PARPBP: variants seen among roughly 807,000 people sequenced by gnomAD.
PARPBP encodes the protein PARP1 binding protein.
In PARPBP, 52 loss-of-function variants were observed where a neutral mutation model predicts 50.0. The ratio of observed to expected loss-of-function variants is 1.04; its 90% CI spans 0.83 to 1.31. The LOEUF is 1.31. Among genes scored for constraint, PARPBP ranks in the 50% most tolerant of loss-of-function variants. The pLI is 0.00. For missense variants in PARPBP, 697 were observed against 672.0 expected, an observed-to-expected ratio of 1.04 and a Z score of -0.41; for synonymous variants, 244 against 232.1, an observed-to-expected ratio of 1.05 and a Z score of -0.47.
intron 6 of PARPBP, among the ~76,000 whole-genome samples, chr12:102,174,007 T>C (rs1889011841): frequency 1.3e-5 from 2 of 151,250 alleles, no homozygotes; most frequent in Non-Finnish European, 2.9e-5. Flanking sequence ...TTTGTCTTAC[T>C]ATTAAAAACT....
At chr12:102,177,756 A>C (rs1889420495) in intron 7 of PARPBP, among the ~76,000 whole-genome samples, 1 of 152,114 alleles carries the variant, frequency 6.6e-6, no homozygotes. Context: ...GAAGCAAGAG[A>C]TTTTTCCTCT....
At chr12:102,140,685 C>G (rs1269164099) in intron 2 of PARPBP, among the ~76,000 whole-genome samples, 1 of 152,160 alleles carries the variant, frequency 6.6e-6, no homozygotes, top group Non-Finnish European at 1.5e-5. Context: ...TGTGTTGTGT[C>G]TTTGTTCTTA....
intron 2 of PARPBP, among the ~76,000 whole-genome samples, chr12:102,145,063 A>G (rs1427484113): frequency 6.6e-6 from 1 of 152,144 alleles, no homozygotes; most frequent in African/African-American, 2.4e-5. Context: ...TGCTTATTTT[A>G]AGGCAGTTTG....
chr12:102,134,068 C>G (rs559023869), intron 2 of PARPBP, among the ~76,000 whole-genome samples: 2 of 151,424 alleles, frequency 1.3e-5, no homozygotes, highest in African/African-American at 4.8e-5. Flanking sequence ...AAAGAACACA[C>G]TAAGCCCAAA....
intron 2 of PARPBP, among the ~76,000 whole-genome samples, chr12:102,136,609 C>A (rs951316431): frequency 6.6e-6 from 1 of 152,128 alleles, no homozygotes; most frequent in Non-Finnish European, 1.5e-5. Context: ...TCACTTAATT[C>A]AGTGTGAAAG....
chr12:102,126,875 TAGAC>T (rs1203723817), intron 2 of PARPBP, among the ~76,000 whole-genome samples: 1 of 152,228 alleles, frequency 6.6e-6, no homozygotes, highest in Non-Finnish European at 1.5e-5. Flanking sequence ...CAGGTAGTGA[TAGAC>T]AGAAAAGTTA....
rs1316430631 is a variant in PARPBP at position 102,148,258 on chromosome 12, G to A, written c.182G>A (p.Ser61Asn). 1 of 1,587,788 alleles carries A rather than the reference G, an allele frequency of 6.3e-7. No individual in the cohort carries two copies. Among genetic ancestry groups the A allele is most frequent in the East Asian group, 2.2e-5 (1 of 44,486 alleles). ...AGTGGAGAATTTACAGTCTCTCTCA[G>A]TGATGTTTTATTGACATGGAAATAC... ...QHSGEFTVSL[S>N]DVLLTWKYLL... The change falls in exon 3 of 11, where the codon AGT (serine) becomes AAT (asparagine). Residue 61 changes from serine (S) to asparagine (N), a missense_variant. By Grantham distance (46) the Ser-to-Asn change is conservative (BLOSUM62 1). Coordinates refer to ENST00000327680, the MANE Select transcript of PARPBP (RefSeq NM_017915.5).
intron 6 of PARPBP, 113 bp from the exon 7 acceptor site, chr12:102,175,370 G>C: frequency 1.6e-6 from 1 of 625,054 alleles, no homozygotes; most frequent in Non-Finnish European, 2.7e-6. Context: ...TGATATATAA[G>C]ATCAAAGCTA....
intron 3 of PARPBP, among the ~76,000 whole-genome samples, chr12:102,152,473 G>A (rs538661043): frequency 6.6e-6 from 1 of 152,242 alleles, no homozygotes. Flanking sequence ...TATAAATTTC[G>A]TGTATTGATG....
rs374523436 is a variant in PARPBP, at chr12:102,138,337, C to T, written c.154-9893C>T. ...AGTATCTGTTCATATCCTTTGTGCA[C>T]TTTTTGATGGGGTTGTTTGATTTGT... On this transcript the variant is annotated intron_variant, in intron 2 of 10. Transcript: ENST00000327680. Among the ~76,000 whole-genome samples the T allele has an allele frequency of 1.1e-4, 17 of 152,154 alleles. 1 individual carries two copies. The highest frequency in any genetic ancestry group is 2.0e-4 in the Admixed American group (3 of 15,280).
intron 4 of PARPBP, chr12:102,155,292 CA>C (rs1886722494): frequency 6.5e-6 from 1 of 152,938 alleles, no homozygotes; most frequent in Non-Finnish European, 1.4e-5. Flanking sequence ...CAAAAAAAAA[CA>C]AAAACAAAAC....
At chr12:102,127,175 A>G (rs1329377220) in intron 2 of PARPBP, among the ~76,000 whole-genome samples, 1 of 152,116 alleles carries the variant, frequency 6.6e-6, no homozygotes, top group Non-Finnish European at 1.5e-5. Context: ...TGGGCAGATC[A>G]CTTAAGCCCA....
At chr12:102,163,468 T>A (rs1887813098) in intron 4 of PARPBP, among the ~76,000 whole-genome samples, 1 of 152,126 alleles carries the variant, frequency 6.6e-6, no homozygotes. Context: ...ATTGGATCTA[T>A]AAGTTAATGT....
chr12:102,175,642 C>T lies in PARPBP; in HGVS notation c.981C>T (p.Ser327=), dbSNP rs763074291. ...CTCAAGAAGGTGTTGTAGCTCTTAGCACCACTGACATCAGTCCTGCTCGGG... is the reference window on the plus strand; with the variant it reads ...CTCAAGAAGGTGTTGTAGCTCTTAGTACCACTGACATCAGTCCTGCTCGGG... ...INSQEGVVAL[S]TTDISPARPK... Residue 327 remains serine, a synonymous_variant, in exon 7 of 11, where the codon AGC becomes AGT. Transcript: ENST00000327680. 24 of 1,612,464 alleles carry T rather than the reference C, an allele frequency of 1.5e-5. No individual in the cohort carries two copies. Among genetic ancestry groups the T allele is most frequent in the Non-Finnish European group, 1.8e-5 (21 of 1,178,782 alleles).
At chr12:102,188,527 C>T (rs772328963) in intron 9 of PARPBP, among the ~76,000 whole-genome samples, 32 of 152,128 alleles carry the variant, frequency 2.1e-4, no homozygotes, top group Non-Finnish European at 3.8e-4. Context: ...GGTTATCAGT[C>T]TTTCACTGTG....
Position 102,124,031 on chromosome 12 carries a change from A to G in PARPBP, c.143A>G (p.Asn48Ser), listed in dbSNP as rs1881569325. Residue 48 changes from asparagine (N) to serine (S), a missense_variant, in exon 2 of 11, where the codon AAC becomes AGC. By Grantham distance (46) the Asn-to-Ser change is conservative. Transcript: ENST00000327680. ...GCATTGCAGCTTTCTATGGCGGAGA[A>G]CAACAAACAGGTTGGTAAACTATAT... ...LLALQLSMAE[N>S]NKQHSGEFTV... The G allele has an allele frequency of 6.5e-7, 1 of 1,534,344 alleles. No individual in the cohort carries two copies. Among genetic ancestry groups the G allele is most frequent in the East Asian group, 2.4e-5 (1 of 40,846 alleles).
chr12:102,180,943 G>C (rs887719496), intron 8 of PARPBP, among the ~76,000 whole-genome samples: 7 of 152,154 alleles, frequency 4.6e-5, no homozygotes, highest in Non-Finnish European at 5.9e-5. Context: ...TTCTTGCTTA[G>C]TAGTCATTTG....
rs762946187 is a variant in PARPBP, at chr12:102,175,510, G to A, written c.849G>A (p.Val283=). The stretch of plus-strand genomic sequence containing the variant: ...TTGCAGGGGGTCAAATACTGTCAGT[G>A]ATAAAGATGCAACTGATTAAAGGCC... ...PSIAGGQILS[V]IKMQLIKGQN... The change falls in exon 7 of 11, where the codon GTG becomes GTA. Residue 283 remains valine (V), a synonymous_variant. Transcript: ENST00000327680. 1.2e-6 allele frequency: 2 copies of A among 1,613,394 alleles called. No individual in the cohort carries two copies. Among genetic ancestry groups the A allele is most frequent in the South Asian group, 1.1e-5 (1 of 91,014 alleles).
At chr12:102,153,413 G>A (rs1178346210) in intron 3 of PARPBP, among the ~76,000 whole-genome samples, 1 of 152,100 alleles carries the variant, frequency 6.6e-6, no homozygotes. Flanking sequence ...TGGTGTAGTC[G>A]CAGCTCACTG....
Sources: gnomAD v4.1 joint callset for allele counts (sites outside exome capture counted in the v4.1 genomes callset) on GRCh38, gnomAD v4.1.1 for gene constraint, MANE v1.5 for transcripts, NCBI Gene and HGNC (gene_info 2026-07-23, HGNC 2026-07-21) for gene names.